Variants in NRG3 observed in about 807,000 individuals in gnomAD.
NRG3 encodes the protein neuregulin 3.
A neutral mutation model predicts 66.9 loss-of-function variants in NRG3; 31 were observed. The ratio of observed to expected loss-of-function variants is 0.46; its 90% CI spans 0.35 to 0.63. The LOEUF (loss-of-function observed/expected upper bound fraction) is 0.63, where lower values mean the gene tolerates loss of function less well. Ranked by LOEUF, NRG3 falls within the 20% of genes least tolerant of loss-of-function variation. The pLI is 0.00. For synonymous variants in NRG3, 393 were observed against 359.4 expected, an observed-to-expected ratio of 1.09 and a Z score of -1.06; for missense variants, 910 against 878.9, an observed-to-expected ratio of 1.04 and a Z score of -0.45.
intron 1 of NRG3, among the ~76,000 whole-genome samples, chr10:81,936,322 CTG>C (rs1847866432): frequency 6.6e-6 from 1 of 152,128 alleles, no homozygotes; most frequent in Admixed American, 6.6e-5. Flanking sequence ...GTGAACCAAA[CTG>C]TGATTGGAGT....
At chr10:81,881,459 C>A (rs1475138010) in intron 1 of NRG3, among the ~76,000 whole-genome samples, 1 of 151,978 alleles carries the variant, frequency 6.6e-6, no homozygotes, top group Non-Finnish European at 1.5e-5. Context: ...ATTTCTTTTC[C>A]CCCATAGATT....
intron 3 of NRG3, among the ~76,000 whole-genome samples, chr10:82,819,986 T>C (rs577715629): frequency 7.2e-4 from 110 of 152,206 alleles, no homozygotes; most frequent in Non-Finnish European, 9.7e-4. Context: ...CACTGAACCT[T>C]GAAAGATGGA....
At chr10:82,884,306 G>T (rs904132753) in intron 4 of NRG3, among the ~76,000 whole-genome samples, 4 of 152,018 alleles carry the variant, frequency 2.6e-5, no homozygotes, top group Non-Finnish European at 4.4e-5. Flanking sequence ...ACTTAATTGA[G>T]ATATAACACT....
At chr10:82,151,283 A>G (rs1192451325) in intron 1 of NRG3, among the ~76,000 whole-genome samples, 2 of 152,230 alleles carry the variant, frequency 1.3e-5, no homozygotes, top group African/African-American at 4.8e-5. Flanking sequence ...TGCATGACTA[A>G]GAATTAATTT....
At chr10:82,852,243 G>A (rs7904888) in intron 3 of NRG3, among the ~76,000 whole-genome samples, 2,460 of 152,182 alleles carry the variant, frequency 0.016, 74 homozygotes, top group African/African-American at 0.057. Context: ...GTCGAACAAT[G>A]AGAACACATG....
chr10:82,571,413 A>G (rs1244314290), intron 2 of NRG3, among the ~76,000 whole-genome samples: 1 of 151,692 alleles, frequency 6.6e-6, no homozygotes, highest in Non-Finnish European at 1.5e-5. Context: ...CATCTAGGTT[A>G]TGGAGCAGTA....
intron 2 of NRG3, among the ~76,000 whole-genome samples, chr10:82,425,399 A>G (rs2089358699): frequency 6.5e-5 from 1 of 15,394 alleles, no homozygotes; most frequent in Admixed American, 1.1e-3. Flanking sequence ...GCTATTTTAA[A>G]TGGAGGTTTT....
At chr10:82,639,464 T>C (rs1277580316) in intron 2 of NRG3, among the ~76,000 whole-genome samples, 1 of 152,208 alleles carries the variant, frequency 6.6e-6, no homozygotes, top group African/African-American at 2.4e-5. Flanking sequence ...AGCAGCTATT[T>C]ACCCATGCAA....
intron 2 of NRG3, among the ~76,000 whole-genome samples, chr10:82,537,321 G>A (rs1486545788): frequency 1.3e-5 from 2 of 152,092 alleles, no homozygotes; most frequent in Non-Finnish European, 2.9e-5. Flanking sequence ...ATTAAAAAAT[G>A]TTCTACATAT....
intron 1 of NRG3, among the ~76,000 whole-genome samples, chr10:82,295,784 G>C (rs1477609699): frequency 6.6e-6 from 1 of 151,966 alleles, no homozygotes; most frequent in Non-Finnish European, 1.5e-5. Context: ...TCATCTACCA[G>C]TCAGTAGGGT....
At chr10:82,617,327 CACACACACACAG>C (rs1187271268) in intron 2 of NRG3, among the ~76,000 whole-genome samples, 2 of 150,402 alleles carry the variant, frequency 1.3e-5, no homozygotes, top group East Asian at 2.0e-4. Context: ...CACATAGACA[CACACACACACAG>C]ACACACACAC....
chr10:82,670,940 G>A (rs2053221879), intron 2 of NRG3, among the ~76,000 whole-genome samples: 2 of 152,150 alleles, frequency 1.3e-5, no homozygotes, highest in South Asian at 4.1e-4. Flanking sequence ...CCTCCTTAGA[G>A]GGTTGAACAA....
intron 2 of NRG3, among the ~76,000 whole-genome samples, chr10:82,545,606 C>G (rs1590604987): frequency 6.6e-6 from 1 of 151,994 alleles, no homozygotes; most frequent in East Asian, 2.0e-4. Context: ...TGGTCTCGAT[C>G]TCCTGACCTC....
chr10:82,706,362 T>G (rs1292355051), intron 2 of NRG3, among the ~76,000 whole-genome samples: 2 of 152,206 alleles, frequency 1.3e-5, no homozygotes, highest in Admixed American at 6.5e-5. Flanking sequence ...TATACGTTAT[T>G]TCCATGCCCT....
Position 82,233,323 on chromosome 10 carries a change from C to T in NRG3, c.824-125416C>T, listed in dbSNP as rs561276572. 2.6e-5 allele frequency among the ~76,000 whole-genome samples: 4 copies of T among 152,270 alleles called. No homozygotes were observed. In the South Asian group the frequency reaches 8.3e-4, roughly 32 times the overall value. On this transcript the variant is annotated intron_variant, in intron 1 of 8. Coordinates refer to ENST00000372141, the MANE Select transcript of NRG3 (RefSeq NM_001010848.4). ...GAGCTTGCAGTGACCCAAGATGGCG[C>T]CACTGCACTCCAGCCTGGGCGACAG...
At chr10:82,389,265 A>AAT (rs1338179932) in intron 2 of NRG3, among the ~76,000 whole-genome samples, 3 of 152,200 alleles carry the variant, frequency 2.0e-5, no homozygotes, top group African/African-American at 7.2e-5. Flanking sequence ...TGCTGACAGG[A>AAT]ATAGCATCAT....
intron 4 of NRG3, among the ~76,000 whole-genome samples, chr10:82,867,280 C>T (rs1381555418): frequency 5.3e-5 from 8 of 152,292 alleles, no homozygotes; most frequent in Admixed American, 2.0e-4. Context: ...TCTTTGTTAA[C>T]TGCATCTAGC....
At chr10:82,951,662 G>T in intron 5 of NRG3, 91 bp downstream of exon 5, 6 of 1,052,734 alleles carry the variant, frequency 5.7e-6, no homozygotes, top group Non-Finnish European at 8.6e-6. Flanking sequence ...CCACACAGAG[G>T]GAACCTGTGG....
At chr10:82,957,204 G>A (rs533699636) in intron 5 of NRG3, among the ~76,000 whole-genome samples, 6 of 151,958 alleles carry the variant, frequency 3.9e-5, no homozygotes, top group Admixed American at 6.6e-5. Context: ...CACAGTGTCC[G>A]TGGAAGATAG....
Sources: allele counts gnomAD v4.1 joint callset (sites outside exome capture counted in the v4.1 genomes callset), GRCh38; gene constraint gnomAD v4.1.1; transcripts MANE v1.5; gene names NCBI Gene and HGNC (gene_info 2026-07-23, HGNC 2026-07-21).